The following KIAA0825 variants were observed in gnomAD, a reference collection of about 807,000 sequenced individuals.
The protein encoded by KIAA0825 is uncharacterized protein KIAA0825.
A neutral mutation model predicts 147.6 loss-of-function variants in KIAA0825; 119 were observed. That is an observed-to-expected ratio of 0.81 (90% CI 0.69 to 0.94). The LOEUF (loss-of-function observed/expected upper bound fraction) is 0.94, where lower values mean the gene tolerates loss of function less well. Among genes scored for constraint, KIAA0825 ranks in the 40% least tolerant of loss-of-function variants. The pLI, the probability that KIAA0825 is intolerant of heterozygous loss-of-function variation, is 0.00. For synonymous variants in KIAA0825, 470 were observed against 518.1 expected, an observed-to-expected ratio of 0.91 and a Z score of 1.26; for missense variants, 1,381 against 1,472.7, an observed-to-expected ratio of 0.94 and a Z score of 1.02.
intron 5 of KIAA0825, among the ~76,000 whole-genome samples, chr5:94,497,958 A>G (rs567204078): frequency 6.6e-6 from 1 of 152,136 alleles, no homozygotes; most frequent in Non-Finnish European, 1.5e-5. Context: ...GCTTCACCTC[A>G]GCATAAACTC....
At chr5:94,357,243 C>T (rs77320017) in intron 20 of KIAA0825, among the ~76,000 whole-genome samples, 4 of 151,878 alleles carry the variant, frequency 2.6e-5, no homozygotes, top group African/African-American at 7.3e-5. Flanking sequence ...AGCTAACACA[C>T]GTTAAAAGTG....
chr5:94,212,858 T>C (rs1772838423), intron 20 of KIAA0825, among the ~76,000 whole-genome samples: 1 of 152,182 alleles, frequency 6.6e-6, no homozygotes, highest in Admixed American at 6.5e-5. Context: ...TTTGAACAGA[T>C]AGTCTGGGAC....
intron 5 of KIAA0825, among the ~76,000 whole-genome samples, chr5:94,506,109 T>C (rs995194615): frequency 1.3e-5 from 2 of 152,244 alleles, no homozygotes; most frequent in African/African-American, 2.4e-5. Flanking sequence ...CAGTGAATAA[T>C]GATTATTGCT....
intron 5 of KIAA0825, among the ~76,000 whole-genome samples, chr5:94,487,450 C>G (rs1763189632): frequency 6.6e-6 from 1 of 152,146 alleles, no homozygotes; most frequent in Non-Finnish European, 1.5e-5. Flanking sequence ...AAATTAAGCA[C>G]AAAGGATGAA....
chr5:94,403,558 A>G lies in KIAA0825; in HGVS notation c.2887+11T>C. 6.5e-7 allele frequency: 1 copy of G among 1,546,298 alleles called. No homozygotes were observed. The highest frequency in any genetic ancestry group is 8.8e-7 in the Non-Finnish European group (1 of 1,142,754). Reference sequence around the variant, plus strand: ...AGGTGTATTTTCTTAAAGAGAAACAAGTGTACTTACTTTTGCATGATTCTT... The same window carrying G: ...AGGTGTATTTTCTTAAAGAGAAACAGGTGTACTTACTTTTGCATGATTCTT... On this transcript the variant is annotated intron_variant, in intron 16 of 20. Transcript: ENST00000682413.
chr5:94,318,280 A>G (rs998259559), intron 20 of KIAA0825, among the ~76,000 whole-genome samples: 6 of 151,874 alleles, frequency 4.0e-5, no homozygotes, highest in Non-Finnish European at 8.8e-5. Context: ...AGGTATATGT[A>G]TGCACATTAT....
intron 20 of KIAA0825, among the ~76,000 whole-genome samples, chr5:94,324,509 A>G (rs1172261878): frequency 6.6e-6 from 1 of 152,022 alleles, no homozygotes; most frequent in Non-Finnish European, 1.5e-5. Context: ...CAACAAATAA[A>G]TATTCTTTGT....
intron 1 of KIAA0825, chr5:94,593,131 T>C (rs1784642905): frequency 2.7e-6 from 2 of 746,024 alleles, no homozygotes; most frequent in Admixed American, 1.7e-5. Context: ...GAATGTGTTA[T>C]ACATCACACA....
At chr5:94,154,168 C>T in intron 20 of KIAA0825, 44 bp from the exon 21 acceptor site, 3 of 1,130,558 alleles carry the variant, frequency 2.7e-6, no homozygotes, top group Admixed American at 4.0e-5. Context: ...ACTTTCAAAC[C>T]ACAGGTCAAC....
intron 2 of KIAA0825, among the ~76,000 whole-genome samples, chr5:94,555,252 G>A (rs572481591): frequency 2.6e-4 from 40 of 152,126 alleles, no homozygotes; most frequent in Middle Eastern, 6.8e-3. Flanking sequence ...CACTCCAGTG[G>A]ATCTTAATTT....
At chr5:94,346,861 G>C (rs75417998) in intron 20 of KIAA0825, among the ~76,000 whole-genome samples, 427 of 152,282 alleles carry the variant, frequency 2.8e-3, no homozygotes, top group Non-Finnish European at 5.1e-3. Context: ...CTCCACAGGT[G>C]GGGGACGAAC....
At chr5:94,356,725 CTT>C (rs1172838355) in intron 20 of KIAA0825, among the ~76,000 whole-genome samples, 17 of 116,708 alleles carry the variant, frequency 1.5e-4, no homozygotes, top group African/African-American at 3.1e-4. Context: ...AACTTGATTT[CTT>C]TTTTTTTTTT....
Position 94,502,802 on chromosome 5 carries a change from C to A in KIAA0825, c.970+17446G>T, listed in dbSNP as rs144115908. ...TGTACCCTATAATAAACTTCAGATT[C>A]ATAAAATTTGTAAAATATATAATTA... On this transcript the variant is annotated intron_variant, in intron 5 of 20. Coordinates refer to ENST00000682413, the MANE Select transcript of KIAA0825 (RefSeq NM_001145678.3). 2.2e-3 allele frequency among the ~76,000 whole-genome samples: 337 copies of A among 152,132 alleles called. 2 individuals carry two copies. The highest frequency in any genetic ancestry group is 7.9e-3 in the African/African-American group (326 of 41,524).
At chr5:94,202,299 G>A (rs577854144) in intron 20 of KIAA0825, among the ~76,000 whole-genome samples, 172 of 152,162 alleles carry the variant, frequency 1.1e-3, no homozygotes, top group Non-Finnish European at 2.1e-3. Flanking sequence ...AAATCACAAG[G>A]GTAGTGGTGG....
chr5:94,396,642 A>G lies in KIAA0825; in HGVS notation c.2888-133T>C, dbSNP rs17083632. The G allele has an allele frequency of 0.01, 5,947 of 594,510 alleles. 254 individuals carry two copies. The African/African-American group carries it at 0.1, about 10-fold the overall frequency. 36.8% of individuals were successfully genotyped at this position (594,510 alleles called of 1,614,324 possible). Reference sequence around the variant, plus strand: ...AAGATCAAGTGCCTGACATATTCCAACAGAACTCTAACCGGGGTCTCTCGC... The same window carrying G: ...AAGATCAAGTGCCTGACATATTCCAGCAGAACTCTAACCGGGGTCTCTCGC... On this transcript the variant is annotated intron_variant, in intron 16 of 20. Transcript: ENST00000682413.
intron 20 of KIAA0825, among the ~76,000 whole-genome samples, chr5:94,252,752 A>G (rs1484514531): frequency 6.6e-6 from 1 of 152,012 alleles, no homozygotes; most frequent in East Asian, 1.9e-4. Context: ...ATTACCTGCA[A>G]CTATTCTAAG....
At chr5:94,363,161 C>T (rs1444603432) in intron 20 of KIAA0825, among the ~76,000 whole-genome samples, 1 of 149,290 alleles carries the variant, frequency 6.7e-6, no homozygotes, top group Middle Eastern at 3.2e-3. Flanking sequence ...TCTGGCCAGC[C>T]CAAACCAGTT....
intron 20 of KIAA0825, among the ~76,000 whole-genome samples, chr5:94,318,003 A>T (rs1378139649): frequency 6.6e-6 from 1 of 151,658 alleles, no homozygotes; most frequent in Non-Finnish European, 1.5e-5. Flanking sequence ...TTAAAAAAAC[A>T]AATGCCCAAT....
At chr5:94,237,334 C>A (rs1324153262) in intron 20 of KIAA0825, among the ~76,000 whole-genome samples, 2 of 152,076 alleles carry the variant, frequency 1.3e-5, no homozygotes, top group African/African-American at 4.8e-5. Context: ...AAAAGAAACA[C>A]TGCTTAATGT....
Sources: gnomAD v4.1 joint callset for allele counts (sites outside exome capture counted in the v4.1 genomes callset) on GRCh38, gnomAD v4.1.1 for gene constraint, MANE v1.5 for transcripts, NCBI Gene and HGNC (gene_info 2026-07-23, HGNC 2026-07-21) for gene names.